Variants in PLD5 observed in about 807,000 individuals in gnomAD.
PLD5 encodes inactive phospholipase D5.
PLD5 carries 36 observed loss-of-function variants against 61.1 expected under a neutral mutation model. That is an observed-to-expected ratio of 0.59 (90% CI 0.45 to 0.78). The LOEUF (loss-of-function observed/expected upper bound fraction) is 0.78. Among genes scored for constraint, PLD5 ranks in the 30% least tolerant of loss-of-function variants. PLD5 has a pLI of 0.00. For missense variants in PLD5, 515 were observed against 644.4 expected (o/e 0.80, Z 2.17); for synonymous variants, 243 against 242.8 (o/e 1.00, Z -0.01).
chr1:242,169,859 G>T (rs1459074026), intron 5 of PLD5, among the ~76,000 whole-genome samples: 1 of 152,224 alleles, frequency 6.6e-6, no homozygotes, highest in African/African-American at 2.4e-5. Context: ...CAGCTAGGCT[G>T]CTATGGCCAG....
chr1:242,422,846 CTTTTTTTTT>C (rs3033897), intron 1 of PLD5, among the ~76,000 whole-genome samples: 1 of 129,588 alleles, frequency 7.7e-6, no homozygotes. Flanking sequence ...GTATTTCTCT[CTTTTTTTTT>C]TTTTTTTTTT....
chr1:242,171,461 C>T (rs906269538), intron 5 of PLD5, among the ~76,000 whole-genome samples: 1 of 152,230 alleles, frequency 6.6e-6, no homozygotes, highest in African/African-American at 2.4e-5. Context: ...AGACCATCGA[C>T]ACTAGGAAGA....
intron 3 of PLD5, among the ~76,000 whole-genome samples, chr1:242,284,289 C>T (rs1429026692): frequency 6.6e-6 from 1 of 151,852 alleles, no homozygotes; most frequent in African/African-American, 2.4e-5. Context: ...AGGCATGTGC[C>T]ACCACGCCCA....
At chr1:242,470,378 G>GA (rs796211716) in intron 1 of PLD5, among the ~76,000 whole-genome samples, 1 of 62,240 alleles carries the variant, frequency 1.6e-5, no homozygotes, top group African/African-American at 7.6e-5. Context: ...AAGAAAGAAA[G>GA]AAAAAAAAGA....
chr1:242,228,064 A>C (rs1225417584), intron 4 of PLD5, among the ~76,000 whole-genome samples: 2 of 152,206 alleles, frequency 1.3e-5, no homozygotes, highest in African/African-American at 4.8e-5. Context: ...TCAAAATGGA[A>C]TATTAGATTC....
At chr1:242,430,237 C>T (rs1665645628) in intron 1 of PLD5, among the ~76,000 whole-genome samples, 1 of 152,172 alleles carries the variant, frequency 6.6e-6, no homozygotes, top group African/African-American at 2.4e-5. Context: ...ATTTATTTCT[C>T]ATAGTTCTGG....
Position 242,395,449 on chromosome 1 carries a change from T to C in PLD5, c.190-47207A>G, listed in dbSNP as rs368752846. 2.6e-5 allele frequency among the ~76,000 whole-genome samples: 4 copies of C among 152,284 alleles called. No individual in the cohort carries two copies. In the East Asian group the frequency reaches 7.7e-4, roughly 29 times the overall value. On this transcript the variant is annotated intron_variant, in intron 1 of 9. Coordinates refer to ENST00000536534, the MANE Select transcript of PLD5 (RefSeq NM_001372062.1). ...TTCATCATAATGAATAGCTACTTTC[T>C]ATTTTTCTAGGGAATCATTAGAGAA...
chr1:242,336,339 C>A (rs1490681392), intron 2 of PLD5, among the ~76,000 whole-genome samples: 2 of 152,146 alleles, frequency 1.3e-5, no homozygotes, highest in Non-Finnish European at 2.9e-5. Context: ...TAAACGTGTT[C>A]CAGGATCGAT....
chr1:242,162,828 T>G (rs1231230660), intron 5 of PLD5, among the ~76,000 whole-genome samples: 2 of 152,154 alleles, frequency 1.3e-5, no homozygotes, highest in Non-Finnish European at 2.9e-5. Flanking sequence ...ACAAAGCATG[T>G]GCATTATTCT....
chr1:242,271,932 A>C (rs1674112302), intron 3 of PLD5, among the ~76,000 whole-genome samples: 1 of 151,930 alleles, frequency 6.6e-6, no homozygotes, highest in South Asian at 2.1e-4. Context: ...AGGGACTGAA[A>C]TAGTGTTACT....
At chr1:242,299,162 T>C (rs545072778) in intron 2 of PLD5, among the ~76,000 whole-genome samples, 2 of 152,186 alleles carry the variant, frequency 1.3e-5, no homozygotes, top group Non-Finnish European at 2.9e-5. Flanking sequence ...TGTAGGTAGA[T>C]AGGAGTATCC....
In PLD5 at chr1:242,088,774, G is replaced by A. The variant is rs1659596074; in HGVS notation, c.*1080C>T. On this transcript the variant is annotated 3_prime_UTR_variant, in exon 10 of 10. Transcript: ENST00000536534. ...AATAATTCAATATTTCTGCTTCTTA[G>A]TAAAATATGTTAAGCACAGTATTTA... The A allele has an allele frequency of 2.6e-5, 4 of 152,212 alleles. No homozygotes were observed. 9.4% of individuals were successfully genotyped at this position (152,212 alleles called of 1,614,324 possible). A position where few individuals can be genotyped will look rare whatever the true frequency, so the allele number is the denominator to read the frequency against.
chr1:242,248,948 G>C (rs1320998545), intron 4 of PLD5, among the ~76,000 whole-genome samples: 1 of 152,070 alleles, frequency 6.6e-6, no homozygotes, highest in Non-Finnish European at 1.5e-5. Context: ...AGGAGTTTGA[G>C]ACCAGCCTGG....
intron 9 of PLD5, among the ~76,000 whole-genome samples, chr1:242,092,055 T>C (rs1659875933): frequency 6.6e-6 from 1 of 152,106 alleles, no homozygotes; most frequent in Non-Finnish European, 1.5e-5. Flanking sequence ...CTCGAACTCC[T>C]GACCTCAAGT....
intron 5 of PLD5, among the ~76,000 whole-genome samples, chr1:242,193,771 T>C (rs1668430930): frequency 6.6e-6 from 1 of 152,222 alleles, no homozygotes; most frequent in Non-Finnish European, 1.5e-5. Flanking sequence ...CAGCCCCAAA[T>C]CTGTGACCCC....
intron 5 of PLD5, among the ~76,000 whole-genome samples, chr1:242,140,970 G>A (rs1399465285): frequency 1.3e-5 from 2 of 152,180 alleles, no homozygotes; most frequent in Non-Finnish European, 2.9e-5. Flanking sequence ...AAGGTCAGCT[G>A]TGGAGCCCTT....
intron 8 of PLD5, among the ~76,000 whole-genome samples, chr1:242,103,375 T>C (rs2148674251): frequency 6.6e-6 from 1 of 152,306 alleles, no homozygotes; most frequent in African/African-American, 2.4e-5. Context: ...CTTTATTAGC[T>C]CCCTTCTTTG....
At chr1:242,096,663 GTTTGT>G (rs961247672) in intron 9 of PLD5, among the ~76,000 whole-genome samples, 9 of 141,894 alleles carry the variant, frequency 6.3e-5, no homozygotes, top group African/African-American at 2.1e-4. Flanking sequence ...TTGGTTGTTT[GTTTGT>G]TTTAAGTCTT....
At chr1:242,504,425 G>T (rs1394041625) in intron 1 of PLD5, among the ~76,000 whole-genome samples, 1 of 152,184 alleles carries the variant, frequency 6.6e-6, no homozygotes, top group Non-Finnish European at 1.5e-5. Flanking sequence ...CTAGGGCTCT[G>T]CAATCCATAG....
Sources: gnomAD v4.1 joint callset for allele counts (sites outside exome capture counted in the v4.1 genomes callset) on GRCh38, gnomAD v4.1.1 for gene constraint, MANE v1.5 for transcripts, NCBI Gene and HGNC (gene_info 2026-07-23, HGNC 2026-07-21) for gene names.